Variants in EDA2R observed in about 807,000 individuals in gnomAD.
EDA2R encodes ectodysplasin A2 receptor.
Under a neutral mutation model 20.1 loss-of-function variants are expected in EDA2R, and 26 were observed. The ratio of observed to expected loss-of-function variants is 1.30; its 90% CI spans 0.95 to 1.80. EDA2R has a LOEUF of 1.80. Among genes scored for constraint, EDA2R ranks in the 40% most tolerant of loss-of-function variants. The pLI is 0.00. For missense variants in EDA2R, 277 were observed against 228.7 expected, an observed-to-expected ratio of 1.21 and a Z score of -1.36; for synonymous variants, 114 against 88.7, an observed-to-expected ratio of 1.29 and a Z score of -1.60.
intron 1 of EDA2R, among the ~76,000 whole-genome samples, chrX:66,632,437 C>CAGGAGG (rs1367841087): frequency 7.7e-5 from 8 of 104,335 alleles, no homozygotes; most frequent in African/African-American, 2.5e-4. Flanking sequence ...GAAGAAGAAG[C>CAGGAGG]AGGAGGAGGA....
intron 1 of EDA2R, among the ~76,000 whole-genome samples, chrX:66,623,409 AT>A (rs1473448606): frequency 1.8e-5 from 2 of 111,979 alleles, no homozygotes; most frequent in African/African-American, 6.5e-5. Flanking sequence ...CTCAAAAGCC[AT>A]TGATGGCTCC....
At chrX:66,626,346 G>A (rs1207825418) in intron 1 of EDA2R, among the ~76,000 whole-genome samples, 1 of 111,771 alleles carries the variant, frequency 8.9e-6, no homozygotes, top group East Asian at 2.8e-4. Context: ...GGAAACAATG[G>A]ACAAACTTTT....
rs1172406897 is a variant in EDA2R at position 66,603,152 on chromosome X, T to G, written c.353-355A>C. On this transcript the variant is annotated intron_variant, in intron 4 of 6. Transcript: ENST00000374719. ...ATGATATAATCCTAAAATCTTACAT[T>G]ATTATACAGCACTTAAAGGCCTTTA... 5.4e-5 allele frequency among the ~76,000 whole-genome samples: 6 copies of G among 111,553 alleles called. No individual in the cohort carries two copies. The East Asian group carries it at 1.7e-3, about 31-fold the overall frequency.
At position 66,597,385 on chromosome X, in the gene EDA2R, C is replaced by T. The variant is rs1043402912; in HGVS notation, c.*719G>A. On this transcript the variant is annotated 3_prime_UTR_variant, in exon 7 of 7. Coordinates refer to ENST00000374719, the MANE Select transcript of EDA2R (RefSeq NM_021783.5). ...CTGCTGTGGGGTAGTTTGGGGAACTCAGGCCCCAGAAGGAAGATTACTTTG... is the reference window on the plus strand; with the variant it reads ...CTGCTGTGGGGTAGTTTGGGGAACTTAGGCCCCAGAAGGAAGATTACTTTG... 1.8e-5 allele frequency: 2 copies of T among 111,746 alleles called. No homozygotes were observed. Among genetic ancestry groups the T allele is most frequent in the African/African-American group, 6.5e-5 (2 of 30,715 alleles). 9.2% of individuals were successfully genotyped at this position (111,746 alleles called of 1,213,427 possible).
intron 1 of EDA2R, among the ~76,000 whole-genome samples, chrX:66,637,543 C>T (rs181299359): frequency 3.6e-5 from 4 of 112,313 alleles, no homozygotes; most frequent in African/African-American, 1.3e-4. Context: ...GCAAGTTTAA[C>T]TTCCAATTTT....
intron 1 of EDA2R, among the ~76,000 whole-genome samples, chrX:66,621,108 A>G (rs1486348091): frequency 9.0e-6 from 1 of 110,527 alleles, no homozygotes; most frequent in Non-Finnish European, 1.9e-5. Context: ...GAAACCCTGA[A>G]TCTACTAAAA....
At chrX:66,617,514 G>A (rs745706093) in intron 1 of EDA2R, among the ~76,000 whole-genome samples, 1 of 111,582 alleles carries the variant, frequency 9.0e-6, no homozygotes, top group East Asian at 2.8e-4. Context: ...ACAGGGCCAG[G>A]AAACTGCTCT....
At chrX:66,624,526 T>A (rs1285907834) in intron 1 of EDA2R, among the ~76,000 whole-genome samples, 1 of 111,251 alleles carries the variant, frequency 9.0e-6, no homozygotes, top group African/African-American at 3.3e-5. Context: ...CTCAAATAAA[T>A]AAATGAATAA....
In EDA2R at chrX:66,599,798, G is replaced by A. The variant is rs753646349; in HGVS notation, c.580C>T (p.Pro194Ser). The change falls in exon 6 of 7, where the codon CCC (proline) becomes TCC (serine). Residue 194 changes from proline to serine, a missense_variant. Transcript: ENST00000374719. ...GACTCAGCACTGGTCTCCTTGCTGG[G>A]TGGCACGGGGAAGAGAGATTCCTCC... Reference protein sequence around the residue: ...AKEESLFPVPPSKETSAESQV... With the variant: ...AKEESLFPVPSSKETSAESQV... 8.3e-7 allele frequency: 1 copy of A among 1,207,181 alleles called. No homozygotes were observed. The highest frequency in any genetic ancestry group is 1.8e-5 in the African/African-American group (1 of 57,046).
At chrX:66,628,873 G>C (rs1474535784) in intron 1 of EDA2R, among the ~76,000 whole-genome samples, 1 of 110,791 alleles carries the variant, frequency 9.0e-6, no homozygotes, top group Non-Finnish European at 1.9e-5. Context: ...CCTAAACCAG[G>C]AAAGGACATA....
In EDA2R at chrX:66,599,876, G is replaced by A; in HGVS notation, c.518-16C>T. On this transcript the variant is annotated splice_polypyrimidine_tract_variant and intron_variant, in intron 5 of 6. Coordinates refer to ENST00000374719, the MANE Select transcript of EDA2R (RefSeq NM_021783.5). ...AGCAAACCTCCTGCAACTCGAAGCA[G>A]AAAGCCACTGGGTTACCCAAAAGCA... The A allele has an allele frequency of 8.4e-7, 1 of 1,196,593 alleles. No individual in the cohort carries two copies.
At chrX:66,620,087 T>G (rs1932347581) in intron 1 of EDA2R, among the ~76,000 whole-genome samples, 1 of 111,483 alleles carries the variant, frequency 9.0e-6, no homozygotes, top group African/African-American at 3.3e-5. Context: ...TCACATAAAT[T>G]TGAATCATAC....
intron 1 of EDA2R, among the ~76,000 whole-genome samples, chrX:66,618,539 T>C (rs1308282333): frequency 8.9e-6 from 1 of 112,539 alleles, no homozygotes; most frequent in Non-Finnish European, 1.9e-5. Context: ...ACAAAGGATG[T>C]GGCTGAATCC....
intron 2 of EDA2R, among the ~76,000 whole-genome samples, chrX:66,611,582 G>GT (rs1930740614): frequency 9.0e-6 from 1 of 111,025 alleles, no homozygotes; most frequent in Non-Finnish European, 1.9e-5. Context: ...GTAGAGAAGA[G>GT]ACAGATGATA....
intron 1 of EDA2R, among the ~76,000 whole-genome samples, chrX:66,624,858 T>G (rs1172580770): frequency 1.8e-5 from 2 of 112,074 alleles, no homozygotes; most frequent in East Asian, 5.7e-4. Flanking sequence ...AGGGAGATCC[T>G]CCATTCCTTA....
In EDA2R at chrX:66,595,725, A is replaced by C. The variant is rs925416015; in HGVS notation, c.*2379T>G. ...TAGCCCTGCCAGTATCTACACATGC[A>C]TATGGCTCAAGAGTTAACAAAATTT... On this transcript the variant is annotated 3_prime_UTR_variant, in exon 7 of 7. Transcript: ENST00000374719. 8.9e-6 allele frequency: 1 copy of C among 112,271 alleles called. No individual in the cohort carries two copies. The highest frequency in any genetic ancestry group is 3.2e-5 in the African/African-American group (1 of 30,866). The allele number at this position is 112,271 out of a possible 1,213,427, so 9.3% of individuals were successfully genotyped here. A position where few individuals can be genotyped will look rare whatever the true frequency, so the allele number is the denominator to read the frequency against.
At chrX:66,606,031 C>G (rs767115992) in intron 2 of EDA2R, among the ~76,000 whole-genome samples, 1 of 111,451 alleles carries the variant, frequency 9.0e-6, no homozygotes, top group Non-Finnish European at 1.9e-5. Flanking sequence ...TCCTTCCCCC[C>G]GACCCCCAGT....
At chrX:66,598,468 G>T (rs1467416557) in intron 6 of EDA2R, among the ~76,000 whole-genome samples, 4 of 111,308 alleles carry the variant, frequency 3.6e-5, no homozygotes, top group Non-Finnish European at 7.5e-5. Context: ...CTTACATTGA[G>T]CTCAAACCCA....
At chrX:66,628,758 A>C (rs2147988375) in intron 1 of EDA2R, among the ~76,000 whole-genome samples, 1 of 110,799 alleles carries the variant, frequency 9.0e-6, no homozygotes, top group African/African-American at 3.3e-5. Flanking sequence ...TTTCTAGAAG[A>C]CATTCAAAGA....
Sources: allele counts gnomAD v4.1 joint callset (sites outside exome capture counted in the v4.1 genomes callset), GRCh38; gene constraint gnomAD v4.1.1; transcripts MANE v1.5; gene names NCBI Gene and HGNC (gene_info 2026-07-23, HGNC 2026-07-21).